Variants in PARL observed in about 807,000 individuals in gnomAD.
PARL encodes the protein presenilin associated rhomboid like.
In PARL, 44 loss-of-function variants were observed where a neutral mutation model predicts 51.6. The ratio of observed to expected loss-of-function variants is 0.85; its 90% CI spans 0.67 to 1.10. PARL has a LOEUF of 1.10. Among genes scored for constraint, PARL ranks in the 50% least tolerant of loss-of-function variants. PARL has a pLI of 0.00. For synonymous variants in PARL, 172 were observed against 164.0 expected (o/e 1.05, Z -0.37); for missense variants, 441 against 469.5 (o/e 0.94, Z 0.56).
Position 183,829,679 on chromosome 3 carries a change from A to G in PARL, c.1059T>C (p.Ile353=). Residue 353 remains isoleucine, a synonymous_variant, in exon 10 of 10, where the codon ATT becomes ATC. Coordinates refer to ENST00000317096, the MANE Select transcript of PARL (RefSeq NM_018622.7). ...IWYVTYGHEL[I]WKNREPLVKI... ...TCACTAGCGGCTCCCTGTTCTTCCA[A>G]ATCAGTTCATGACCGTAAGTAACAT... The G allele has an allele frequency of 1.2e-6, 2 of 1,614,144 alleles. No homozygotes were observed. The highest frequency in any genetic ancestry group is 1.7e-6 in the Non-Finnish European group (2 of 1,180,032).
chr3:183,870,076 G>C (rs1172099542), intron 1 of PARL, among the ~76,000 whole-genome samples: 2 of 149,644 alleles, frequency 1.3e-5, no homozygotes, highest in African/African-American at 2.5e-5. Flanking sequence ...AGGAGTTTGA[G>C]ACCAGCCTGG....
intron 1 of PARL, chr3:183,883,563 C>A: frequency 1.0e-6 from 1 of 983,574 alleles, no homozygotes; most frequent in Non-Finnish European, 1.2e-6. Context: ...TGAGCCACCA[C>A]GCCCGGCCAG....
rs183531499 is a variant in PARL at position 183,865,684 on chromosome 3, T to C, written c.462+941A>G. Among the ~76,000 whole-genome samples the C allele has an allele frequency of 9.0e-3, 1,362 of 151,836 alleles. 11 individuals carry two copies. Among genetic ancestry groups the C allele is most frequent in the Middle Eastern group, 0.054 (16 of 294 alleles). ...CCTGCAACCCCGACCTGTGGAAAAATTGTCTTGCACAAAACCAGTCCCTGG... is the reference window on the plus strand; with the variant it reads ...CCTGCAACCCCGACCTGTGGAAAAACTGTCTTGCACAAAACCAGTCCCTGG... On this transcript the variant is annotated intron_variant, in intron 3 of 9. Transcript: ENST00000317096.
chr3:183,859,997 T>A (rs1262082457), intron 4 of PARL, among the ~76,000 whole-genome samples: 1 of 151,412 alleles, frequency 6.6e-6, no homozygotes, highest in Non-Finnish European at 1.5e-5. Flanking sequence ...CACACTGGTC[T>A]CACAAAGCTT....
intron 1 of PARL, among the ~76,000 whole-genome samples, chr3:183,876,631 A>G (rs1733864514): frequency 2.5e-5 from 3 of 122,280 alleles, no homozygotes; most frequent in South Asian, 5.0e-4. Context: ...AAAAAAAAAA[A>G]AAAAAAAGAA....
Position 183,829,289 on chromosome 3 carries a change from G to T in PARL, c.*309C>A. On this transcript the variant is annotated 3_prime_UTR_variant, in exon 10 of 10. Coordinates refer to ENST00000317096, the MANE Select transcript of PARL (RefSeq NM_018622.7). ...AACCAGCGCCTTCATGTTCTGATCA[G>T]GCCTTTCAGGGTGCACTCTCCCCAG... The T allele has an allele frequency of 1.5e-6, 1 of 665,978 alleles. No homozygotes were observed. Among genetic ancestry groups the T allele is most frequent in the Non-Finnish European group, 2.3e-6 (1 of 444,114 alleles). The allele number at this position is 665,978 out of a possible 1,614,324, so 41.3% of individuals were successfully genotyped here. A position where few individuals can be genotyped will look rare whatever the true frequency, so the allele number is the denominator to read the frequency against.
chr3:183,842,504 A>T (rs7652031), intron 5 of PARL, 57 bp from the exon 6 acceptor site: 740,120 of 1,558,946 alleles, frequency 0.47, 177,641 homozygotes, highest in Middle Eastern at 0.6. Flanking sequence ...AATAAAAATT[A>T]TCCATTTTAA....
At chr3:183,836,768 CAG>C (rs1728645144) in intron 7 of PARL, among the ~76,000 whole-genome samples, 1 of 152,096 alleles carries the variant, frequency 6.6e-6, no homozygotes, top group African/African-American at 2.4e-5. Flanking sequence ...TTTTTTGAGA[CAG>C]AGTCTCGCTA....
intron 4 of PARL, among the ~76,000 whole-genome samples, chr3:183,849,596 AGAG>A (rs1289617119): frequency 1.3e-5 from 2 of 152,164 alleles, no homozygotes; most frequent in Non-Finnish European, 2.9e-5. Context: ...AAGAAAGTGT[AGAG>A]AGGAGCAAAC....
chr3:183,843,699 C>A (rs893337007), intron 5 of PARL, among the ~76,000 whole-genome samples: 2 of 150,238 alleles, frequency 1.3e-5, no homozygotes, highest in Non-Finnish European at 3.0e-5. Flanking sequence ...GGCGTGGTGG[C>A]GGGCACCTGT....
chr3:183,851,119 C>T (rs1177448672), intron 4 of PARL, among the ~76,000 whole-genome samples: 1 of 152,072 alleles, frequency 6.6e-6, no homozygotes, highest in Non-Finnish European at 1.5e-5. Flanking sequence ...GAGTTTGGAC[C>T]CCTATCTCAA....
chr3:183,868,699 G>A (rs1732820355), intron 1 of PARL, among the ~76,000 whole-genome samples: 1 of 152,178 alleles, frequency 6.6e-6, no homozygotes, highest in Non-Finnish European at 1.5e-5. Context: ...ATGAGCCATG[G>A]TGCCCCACCA....
At chr3:183,845,899 G>A (rs1053011089) in intron 4 of PARL, among the ~76,000 whole-genome samples, 2 of 152,168 alleles carry the variant, frequency 1.3e-5, no homozygotes, top group Non-Finnish European at 2.9e-5. Flanking sequence ...ACCTGAGAAT[G>A]GTCTGGCCAT....
intron 5 of PARL, among the ~76,000 whole-genome samples, 184 bp downstream of exon 5, chr3:183,844,043 AAAAC>A (rs1729659262): frequency 1.3e-5 from 2 of 152,202 alleles, no homozygotes; most frequent in Admixed American, 1.3e-4. Flanking sequence ...CGTCTCAAAA[AAAAC>A]AAAGAAAAAG....
At chr3:183,857,461 A>G (rs1036051755) in intron 4 of PARL, among the ~76,000 whole-genome samples, 2 of 152,116 alleles carry the variant, frequency 1.3e-5, no homozygotes, top group Admixed American at 1.3e-4. Flanking sequence ...TGTTCTTTAA[A>G]ATATTAAGTG....
downstream of PARL, among the ~76,000 whole-genome samples, chr3:183,828,656 C>A (rs1727595884): frequency 6.6e-6 from 1 of 152,232 alleles, no homozygotes; most frequent in African/African-American, 2.4e-5. Context: ...ACCACTCCCA[C>A]TCCTTTTCCA....
chr3:183,874,092 G>A (rs1249213109), intron 1 of PARL, among the ~76,000 whole-genome samples: 1 of 152,148 alleles, frequency 6.6e-6, no homozygotes, highest in Non-Finnish European at 1.5e-5. Context: ...TGGTGGCTCT[G>A]TGTCACATTT....
chr3:183,831,136 C>T (rs1001368023), intron 9 of PARL, among the ~76,000 whole-genome samples: 3 of 152,090 alleles, frequency 2.0e-5, no homozygotes, highest in Non-Finnish European at 4.4e-5. Flanking sequence ...CCACCACGCC[C>T]GGCTAATTTT....
intron 5 of PARL, among the ~76,000 whole-genome samples, chr3:183,843,739 G>A (rs1729612865): frequency 6.6e-6 from 1 of 152,124 alleles, no homozygotes; most frequent in Admixed American, 6.5e-5. Flanking sequence ...GCTGAGGCAG[G>A]AGAATGGCAT....
Sources: gnomAD v4.1 joint callset for allele counts (sites outside exome capture counted in the v4.1 genomes callset) on GRCh38, gnomAD v4.1.1 for gene constraint, MANE v1.5 for transcripts, NCBI Gene and HGNC (gene_info 2026-07-23, HGNC 2026-07-21) for gene names.